The following GRK7 variants were observed in gnomAD, a reference collection of about 807,000 sequenced individuals.
GRK7 encodes the protein G protein-coupled receptor kinase 7, also known as rhodopsin kinase GRK7.
GRK7 carries 24 observed loss-of-function variants against 34.1 expected under a neutral mutation model. The ratio of observed to expected loss-of-function variants is 0.70; its 90% CI spans 0.51 to 0.99. The LOEUF (loss-of-function observed/expected upper bound fraction) is 0.99, where lower values mean the gene tolerates loss of function less well. Among genes scored for constraint, GRK7 ranks in the 50% least tolerant of loss-of-function variants. The pLI is 0.00. For synonymous variants in GRK7, 256 were observed against 279.4 expected (o/e 0.92, Z 0.84); for missense variants, 644 against 707.3 (o/e 0.91, Z 1.02).
At chr3:141,774,779 G>GATT (rs72103272) in intron 2 of GRK7, among the ~76,000 whole-genome samples, 99 bp downstream of exon 2, 7,259 of 147,752 alleles carry the variant, frequency 0.049, 228 homozygotes, top group Non-Finnish European at 0.069. Flanking sequence ...TCACCAGTCA[G>GATT]ATTATTATTA....
At chr3:141,777,586 G>A (rs560614071) in intron 2 of GRK7, among the ~76,000 whole-genome samples, 1 of 148,454 alleles carries the variant, frequency 6.7e-6, no homozygotes, top group Admixed American at 6.9e-5. Flanking sequence ...TCCGCCCGGA[G>A]ATGGCCCCTC....
At chr3:141,793,861 T>G (rs1221815174) in intron 4 of GRK7, among the ~76,000 whole-genome samples, 1 of 152,186 alleles carries the variant, frequency 6.6e-6, no homozygotes, top group Admixed American at 6.5e-5. Flanking sequence ...TCATGCTCTA[T>G]TTTTCAACCA....
chr3:141,793,425 G>A (rs370762055), intron 4 of GRK7, among the ~76,000 whole-genome samples: 3 of 152,350 alleles, frequency 2.0e-5, no homozygotes, highest in Admixed American at 6.5e-5. Flanking sequence ...TGTTTTGAGA[G>A]TATTGTGGGA....
intron 4 of GRK7, among the ~76,000 whole-genome samples, chr3:141,799,619 A>G (rs1273402235): frequency 6.6e-6 from 1 of 152,056 alleles, no homozygotes; most frequent in Non-Finnish European, 1.5e-5. Context: ...CTAAAAAAAA[A>G]AAACAAGGTG....
chr3:141,773,184 T>C (rs73000324), intron 1 of GRK7, among the ~76,000 whole-genome samples: 2,031 of 151,464 alleles, frequency 0.013, 50 homozygotes, highest in African/African-American at 0.045. Flanking sequence ...TAAAGAAATA[T>C]ATCCTCTTTT....
chr3:141,753,829 G>A, the GRK7 span, among the ~76,000 whole-genome samples: 2 of 152,140 alleles, frequency 1.3e-5, no homozygotes, highest in East Asian at 3.8e-4. Context: ...TAACATAATT[G>A]GTACAGTTTT....
At chr3:141,795,121 A>T (rs2084742701) in intron 4 of GRK7, among the ~76,000 whole-genome samples, 1 of 152,178 alleles carries the variant, frequency 6.6e-6, no homozygotes, top group Non-Finnish European at 1.5e-5. Flanking sequence ...AGGGGAAGGG[A>T]CAACCAAGCT....
Position 141,778,697 on chromosome 3 carries a change from C to T in GRK7, c.413C>T (p.Thr138Ile). Residue 138 changes from threonine to isoleucine, a missense_variant, in exon 3 of 6, where the codon ACC (threonine) becomes ATC (isoleucine). Thr to Ile is a moderately conservative substitution (Grantham distance 89). Coordinates refer to ENST00000682958, the MANE Select transcript of GRK7 (RefSeq NM_139209.3). This position sits in a 1 kb window ranked among gnomAD's most constrained non-coding sequence, Gnocchi z 4.1. ...GTGGCCACCAAGTGCCAAGCAGCCA[C>T]CACTGAGGAAGAGCGAGTGGCTGCA... is the stretch of plus-strand genomic sequence containing the variant. ...QAVATKCQAA[T>I]TEEERVAAVT... is the part of the protein sequence containing the mutation. 6.2e-7 allele frequency: 1 copy of T among 1,613,528 alleles called. No individual in the cohort carries two copies.
intron 4 of GRK7, among the ~76,000 whole-genome samples, chr3:141,800,539 A>G (rs1710948025): frequency 1.3e-5 from 2 of 152,198 alleles, no homozygotes; most frequent in African/African-American, 4.8e-5. Context: ...AGAGAAGATA[A>G]GGCCTCCATG....
At chr3:141,751,812 A>C in the GRK7 span, among the ~76,000 whole-genome samples, 1 of 152,238 alleles carries the variant, frequency 6.6e-6, no homozygotes, top group Non-Finnish European at 1.5e-5. Context: ...TCACATATGG[A>C]TAGTGGCTTC....
Position 141,791,543 on chromosome 3 carries a change from T to G in GRK7, c.1050+10732T>G, listed in dbSNP as rs113485540. ...GACCCCTACAGAAATTTGAAATCTA[T>G]TCTTAAATTATTTACCACTACCAAG... On this transcript the variant is annotated intron_variant, in intron 4 of 5. Transcript: ENST00000682958. Among the ~76,000 whole-genome samples the G allele has an allele frequency of 5.9e-3, 902 of 152,316 alleles. 4 individuals carry two copies. Among genetic ancestry groups the G allele is most frequent in the African/African-American group, 0.021 (866 of 41,570 alleles).
chr3:141,788,171 G>T (rs1379108840), intron 4 of GRK7, among the ~76,000 whole-genome samples: 1 of 152,228 alleles, frequency 6.6e-6, no homozygotes, highest in Non-Finnish European at 1.5e-5. Flanking sequence ...GGGGGGCACA[G>T]GCCCTTTCTC....
upstream of GRK7, among the ~76,000 whole-genome samples, chr3:141,759,839 T>C (rs1252710832): frequency 7.1e-5 from 5 of 70,162 alleles, no homozygotes; most frequent in Admixed American, 1.7e-4. Flanking sequence ...TCAGCTCCTG[T>C]TATTGGTCTA....
chr3:141,784,468 A>G (rs1180907532), intron 4 of GRK7, among the ~76,000 whole-genome samples: 1 of 152,192 alleles, frequency 6.6e-6, no homozygotes, highest in African/African-American at 2.4e-5. Context: ...AGCAAGATTG[A>G]AAGCCATAAA....
In GRK7 at chr3:141,816,890, A is replaced by G. The variant is rs1711160394; in HGVS notation, c.1502A>G (p.Asp501Gly). 1 of 1,614,170 alleles carries G rather than the reference A, an allele frequency of 6.2e-7. No individual in the cohort carries two copies. The highest frequency in any genetic ancestry group is 8.5e-7 in the Non-Finnish European group (1 of 1,180,020). Residue 501 changes from aspartate (D) to glycine (G), a missense_variant, in exon 6 of 6, where the codon GAT becomes GGT. Asp to Gly is a moderately conservative substitution (Grantham distance 94). Transcript: ENST00000682958. ...EVRGVEFDDK[D>G]KQFFKNFATG... ...CGGGGGGTGGAATTTGATGACAAAG[A>G]TAAGCAGTTCTTCAAAAACTTTGCG...
intron 1 of GRK7, among the ~76,000 whole-genome samples, chr3:141,769,077 C>T (rs2084603761): frequency 6.6e-6 from 1 of 152,162 alleles, no homozygotes; most frequent in African/African-American, 2.4e-5. Flanking sequence ...ATGCCTTTCC[C>T]TCCAGACCTC....
upstream of GRK7, among the ~76,000 whole-genome samples, chr3:141,763,093 C>T (rs1207116192): frequency 6.6e-6 from 1 of 152,232 alleles, no homozygotes; most frequent in Non-Finnish European, 1.5e-5. Flanking sequence ...TCTTCTGTGT[C>T]GCTCACGCTG....
chr3:141,791,763 G>A (rs1226338591), intron 4 of GRK7, among the ~76,000 whole-genome samples: 1 of 151,940 alleles, frequency 6.6e-6, no homozygotes, highest in Non-Finnish European at 1.5e-5. Flanking sequence ...CAGCACTTTG[G>A]GAGGCCAAGG....
At position 141,817,702 on chromosome 3, in the gene GRK7, T is replaced by C. The variant is rs1031822831; in HGVS notation, c.*652T>C. The C allele has an allele frequency of 3.9e-5, 6 of 152,236 alleles. No individual in the cohort carries two copies. The highest frequency in any genetic ancestry group is 2.6e-4 in the Admixed American group (4 of 15,278). 9.4% of individuals were successfully genotyped at this position (152,236 alleles called of 1,614,324 possible). A position where few individuals can be genotyped will look rare whatever the true frequency, so the allele number is the denominator to read the frequency against. Reference sequence around the variant, plus strand: ...GAATTAAAGCATTCTGTAAATTTAGTTGAGTCCTTTAAGTAATATGGTACA... The same window carrying C: ...GAATTAAAGCATTCTGTAAATTTAGCTGAGTCCTTTAAGTAATATGGTACA... On this transcript the variant is annotated 3_prime_UTR_variant, in exon 6 of 6. Coordinates refer to ENST00000682958, the MANE Select transcript of GRK7 (RefSeq NM_139209.3).
Sources: allele counts gnomAD v4.1 joint callset (sites outside exome capture counted in the v4.1 genomes callset), GRCh38; gene constraint gnomAD v4.1.1; non-coding constraint Gnocchi (gnomAD v3.1); transcripts MANE v1.5; gene names NCBI Gene and HGNC (gene_info 2026-07-23, HGNC 2026-07-21).